SYNPO: variants seen among roughly 807,000 people sequenced by gnomAD.
The protein encoded by SYNPO is synaptopodin.
In SYNPO, 19 loss-of-function variants were observed where a neutral mutation model predicts 49.5. That is an observed-to-expected ratio of 0.38 (90% CI 0.27 to 0.56). The LOEUF is 0.56. Among genes scored for constraint, SYNPO ranks in the 20% least tolerant of loss-of-function variants. The probability of loss-of-function intolerance (pLI) is 0.68; values close to 1 mark genes in which losing one functional copy is unlikely to be tolerated. For synonymous variants in SYNPO, 536 were observed against 548.0 expected (o/e 0.98, Z 0.31); for missense variants, 1,131 against 1,248.3 (o/e 0.91, Z 1.42).
Position 150,658,524 on chromosome 5 carries a change from G to A in SYNPO, c.*1437G>A, listed in dbSNP as rs1758651783. On this transcript the variant is annotated 3_prime_UTR_variant, in exon 3 of 3. Coordinates refer to ENST00000307662, the MANE Select transcript of SYNPO (RefSeq NM_007286.6). ...TTCAGGTCCCCAGGGGGGACTCAGG[G>A]AGGAATATGGCTGAGTTCTGTAGTT... The A allele has an allele frequency of 6.6e-6, 1 of 152,378 alleles. No homozygotes were observed. Among genetic ancestry groups the A allele is most frequent in the African/African-American group, 2.4e-5 (1 of 41,424 alleles). The allele number at this position is 152,378 out of a possible 1,614,324, so 9.4% of individuals were successfully genotyped here. A position where few individuals can be genotyped will look rare whatever the true frequency, so the allele number is the denominator to read the frequency against.
the SYNPO span, among the ~76,000 whole-genome samples, chr5:150,595,284 T>C: frequency 6.6e-6 from 1 of 152,198 alleles, no homozygotes; most frequent in Non-Finnish European, 1.5e-5. Flanking sequence ...TCAAAACACA[T>C]AGAATCACCA....
In SYNPO at chr5:150,649,172, G is replaced by A. The variant is rs1292081996; in HGVS notation, c.897G>A (p.Met299Ile). ...GCAGCCCCATGGTGGAAAGGAGGAT[G>A]ATGGGGCAGCGAAGCCCGGCCTCAG... ...MSRSPMVERRMMGQRSPASER... is the reference protein window; with the variant it reads ...MSRSPMVERRIMGQRSPASER... Residue 299 changes from methionine (M) to isoleucine (I), a missense_variant, in exon 2 of 3, where the codon ATG becomes ATA. Met to Ile is a conservative substitution (Grantham distance 10). Around this residue, in one of 4 missense-constraint regions of SYNPO, gnomAD observed 602 missense variants for 720.7 expected, o/e 0.84. Transcript: ENST00000307662. 5 of 1,614,014 alleles carry A rather than the reference G, an allele frequency of 3.1e-6. No individual in the cohort carries two copies. The highest frequency in any genetic ancestry group is 4.2e-6 in the Non-Finnish European group (5 of 1,180,020).
upstream of SYNPO, among the ~76,000 whole-genome samples, chr5:150,638,774 C>T (rs960606080): frequency 2.6e-5 from 4 of 152,248 alleles, no homozygotes; most frequent in African/African-American, 9.6e-5. Context: ...ACCTCTTTCC[C>T]TGCCCTGGCT....
At chr5:150,643,727 G>T (rs1309700040) in intron 1 of SYNPO, among the ~76,000 whole-genome samples, 2 of 152,060 alleles carry the variant, frequency 1.3e-5, no homozygotes, top group African/African-American at 4.8e-5. Context: ...TAGAGATGGG[G>T]TTTCACCATA....
chr5:150,618,478 C>T (rs1273592801), exon 2 of SYNPO: 38 of 1,551,552 alleles, frequency 2.4e-5, no homozygotes, highest in East Asian at 1.2e-4. Context: ...CTCTGGAAGC[C>T]GAGGAGAGCA....
chr5:150,623,584 A>G (rs1757250626), intron 2 of SYNPO, among the ~76,000 whole-genome samples: 1 of 151,980 alleles, frequency 6.6e-6, no homozygotes, highest in Non-Finnish European at 1.5e-5. Context: ...CCACACGATC[A>G]GAGGAATTCT....
intron 1 of SYNPO, among the ~76,000 whole-genome samples, chr5:150,645,649 C>T (rs1288431324): frequency 6.6e-6 from 1 of 152,120 alleles, no homozygotes; most frequent in African/African-American, 2.4e-5. Flanking sequence ...CCAAAGAGAC[C>T]TTTTGGGATG....
intron 1 of SYNPO, among the ~76,000 whole-genome samples, chr5:150,609,490 T>C (rs889500704): frequency 7.2e-4 from 109 of 152,270 alleles, no homozygotes; most frequent in South Asian, 1.2e-3. Context: ...AAATGGGGTT[T>C]CACCATGTTG....
intron 1 of SYNPO, among the ~76,000 whole-genome samples, chr5:150,601,887 G>A (rs1028312844): frequency 1.3e-5 from 2 of 152,254 alleles, no homozygotes; most frequent in Admixed American, 6.5e-5. Flanking sequence ...GGGAAAAGCT[G>A]ATAAGTAGAG....
At chr5:150,592,954 A>G in the SYNPO span, among the ~76,000 whole-genome samples, 4 of 152,208 alleles carry the variant, frequency 2.6e-5, no homozygotes, top group African/African-American at 9.7e-5. Context: ...ATCACTGGGC[A>G]GCTTAGGAAG....
rs1758662493 is a variant in SYNPO at position 150,658,907 on chromosome 5, C to T, written c.*1820C>T. 6.6e-6 allele frequency: 1 copy of T among 152,350 alleles called. No homozygotes were observed. The highest frequency in any genetic ancestry group is 1.5e-5 in the Non-Finnish European group (1 of 68,078). 9.4% of individuals were successfully genotyped at this position (152,350 alleles called of 1,614,324 possible). ...GTGACTATATTTACCAAAGCCCCTA[C>T]CTGCTGCTGGGTCCCTTGTAGCACA... On this transcript the variant is annotated 3_prime_UTR_variant, in exon 3 of 3. Coordinates refer to ENST00000307662, the MANE Select transcript of SYNPO (RefSeq NM_007286.6).
chr5:150,592,934 A>G, the SYNPO span, among the ~76,000 whole-genome samples: 1 of 152,182 alleles, frequency 6.6e-6, no homozygotes, highest in Non-Finnish European at 1.5e-5. Context: ...CTACCAAGGT[A>G]TGTCTTTCCA....
the SYNPO span, among the ~76,000 whole-genome samples, chr5:150,591,935 GT>G: frequency 1.3e-5 from 2 of 152,166 alleles, no homozygotes; most frequent in African/African-American, 2.4e-5. Flanking sequence ...GGAGGCCGAG[GT>G]GGGTGAATCA....
chr5:150,651,064 A>G, intron 2 of SYNPO: 2 of 1,159,986 alleles, frequency 1.7e-6, no homozygotes, highest in Admixed American at 9.4e-5. Context: ...CCCCAGTTCT[A>G]CCTGGCTTGC....
chr5:150,637,421 C>T (rs1433386813), upstream of SYNPO, among the ~76,000 whole-genome samples: 9 of 152,170 alleles, frequency 5.9e-5, no homozygotes, highest in Non-Finnish European at 5.9e-5. Context: ...ACACTGAAAC[C>T]GAATGCCTCG....
upstream of SYNPO, among the ~76,000 whole-genome samples, chr5:150,599,847 A>G (rs1316824715): frequency 6.6e-6 from 1 of 152,170 alleles, no homozygotes; most frequent in Non-Finnish European, 1.5e-5. Context: ...CACTGTGTTA[A>G]CTGCTTAACT....
Position 150,647,467 on chromosome 5 carries a change from G to C in SYNPO, c.-332-477G>C, listed in dbSNP as rs115515509. 9.9e-3 allele frequency among the ~76,000 whole-genome samples: 1,510 copies of C among 152,344 alleles called. 31 individuals are homozygous for C. The highest frequency in any genetic ancestry group is 0.034 in the African/African-American group (1,430 of 41,572). On this transcript the variant is annotated intron_variant, in intron 1 of 2. Coordinates refer to ENST00000307662, the MANE Select transcript of SYNPO (RefSeq NM_007286.6). ...TAGGAACCAGCATGGACTGCTACCT[G>C]GGAAAAGATTATTCCAAGGAGAGCG...
chr5:150,603,014 G>GTA (rs1406467275), intron 1 of SYNPO, among the ~76,000 whole-genome samples: 3 of 150,002 alleles, frequency 2.0e-5, no homozygotes, highest in Non-Finnish European at 4.4e-5. Flanking sequence ...GTGTGTGTGT[G>GTA]TGTGTGTGTG....
chr5:150,648,134 C>G lies in SYNPO; in HGVS notation c.-142C>G. The G allele has an allele frequency of 6.4e-7, 1 of 1,552,516 alleles. No homozygotes were observed. The highest frequency in any genetic ancestry group is 8.7e-7 in the Non-Finnish European group (1 of 1,147,392). On this transcript the variant is annotated 5_prime_UTR_variant, in exon 2 of 3. Coordinates refer to ENST00000307662, the MANE Select transcript of SYNPO (RefSeq NM_007286.6). This position sits in a 1 kb window ranked among gnomAD's most constrained non-coding sequence, Gnocchi z 5.0. Reference sequence around the variant, plus strand: ...ACGGCCAGAGGGGACAGAAGCCCAGCCAGGAGTCCCTCAGAGTGCTCCCTT... The same window carrying G: ...ACGGCCAGAGGGGACAGAAGCCCAGGCAGGAGTCCCTCAGAGTGCTCCCTT...
Sources: gnomAD v4.1 joint callset for allele counts (sites outside exome capture counted in the v4.1 genomes callset) on GRCh38, gnomAD v4.1.1 for gene constraint, gnomAD v4.1.1 regional missense constraint, Gnocchi (gnomAD v3.1) non-coding constraint, MANE v1.5 for transcripts, NCBI Gene and HGNC (gene_info 2026-07-23, HGNC 2026-07-21) for gene names.